Variants in METTL21C observed in about 807,000 individuals in gnomAD.
METTL21C encodes methyltransferase 21C, AARS1 lysine.
In METTL21C, 21 loss-of-function variants were observed where a neutral mutation model predicts 25.9. The ratio of observed to expected loss-of-function variants is 0.81; its 90% CI spans 0.58 to 1.17. The LOEUF is 1.17. METTL21C is among the 50% of genes most tolerant of loss of function. The pLI is 0.00. For missense variants in METTL21C, 312 were observed against 315.1 expected, an observed-to-expected ratio of 0.99 and a Z score of 0.07; for synonymous variants, 125 against 124.7, an observed-to-expected ratio of 1.00 and a Z score of -0.01.
the METTL21C span, among the ~76,000 whole-genome samples, chr13:102,702,740 G>A: frequency 6.6e-6 from 1 of 152,060 alleles, no homozygotes; most frequent in African/African-American, 2.4e-5. Context: ...ACAGGCATGT[G>A]CCAACATGCC....
chr13:102,690,436 A>AG (rs1228454766), intron 2 of METTL21C, among the ~76,000 whole-genome samples: 2 of 149,898 alleles, frequency 1.3e-5, no homozygotes, highest in East Asian at 2.0e-4. Flanking sequence ...AAAAAAAAAA[A>AG]AAAGAGAGAG....
Position 102,693,223 on chromosome 13 carries a change from T to C in METTL21C, c.130+1146A>G, listed in dbSNP as rs527908938. ...AGGTAATAGAATAATTGATGATGAG[T>C]TTTGAGTGTTTATCAACTTTGCTTT... On this transcript the variant is annotated intron_variant, in intron 1 of 3. Coordinates refer to ENST00000267273, the MANE Select transcript of METTL21C (RefSeq NM_001010977.3). 1.8e-4 allele frequency among the ~76,000 whole-genome samples: 28 copies of C among 152,178 alleles called. No homozygotes were observed. The South Asian group carries it at 3.7e-3, about 20-fold the overall frequency.
intron 2 of METTL21C, among the ~76,000 whole-genome samples, chr13:102,688,933 T>A (rs1200484915): frequency 1.3e-5 from 2 of 152,148 alleles, no homozygotes; most frequent in Non-Finnish European, 2.9e-5. Flanking sequence ...GCACCTGAAG[T>A]CGCACAGGAA....
intron 2 of METTL21C, among the ~76,000 whole-genome samples, chr13:102,689,909 T>C (rs1443166571): frequency 6.6e-6 from 1 of 152,240 alleles, no homozygotes; most frequent in Non-Finnish European, 1.5e-5. Context: ...CTGTAGACAT[T>C]ACGACCACCC....
At chr13:102,694,032 G>T (rs1164593295) in intron 1 of METTL21C, among the ~76,000 whole-genome samples, 1 of 152,084 alleles carries the variant, frequency 6.6e-6, no homozygotes, top group African/African-American at 2.4e-5. Flanking sequence ...TACCAAGAAT[G>T]TATTTTGGTG....
Position 102,686,244 on chromosome 13 carries a change from A to G in METTL21C, c.582T>C (p.Asp194=). 1.9e-6 allele frequency: 3 copies of G among 1,614,208 alleles called. No homozygotes were observed. The South Asian group carries it at 3.3e-5, about 18-fold the overall frequency. Reference sequence around the variant, plus strand: ...CCAGGAAGTAGTGATGGTAGACCACATCTGAGGCTAGGACGTAATCATAGT... The same window carrying G: ...CCAGGAAGTAGTGATGGTAGACCACGTCTGAGGCTAGGACGTAATCATAGT... ...AFYYDYVLAS[D]VVYHHYFLDK... is the part of the protein sequence containing the mutation. Residue 194 remains aspartate (D), a synonymous_variant, in exon 4 of 4, where the codon GAT becomes GAC. Coordinates refer to ENST00000267273, the MANE Select transcript of METTL21C (RefSeq NM_001010977.3).
At chr13:102,700,889 A>G in the METTL21C span, among the ~76,000 whole-genome samples, 1 of 151,930 alleles carries the variant, frequency 6.6e-6, no homozygotes, top group African/African-American at 2.4e-5. Flanking sequence ...GATGCCTCCA[A>G]CGCTGTCCGT....
upstream of METTL21C, among the ~76,000 whole-genome samples, chr13:102,698,125 A>T (rs1885975336): frequency 6.6e-6 from 1 of 152,196 alleles, no homozygotes; most frequent in Non-Finnish European, 1.5e-5. Context: ...AGAATCTGGC[A>T]CAGTGCCAGG....
chr13:102,687,401 A>T (rs953964483), intron 2 of METTL21C, among the ~76,000 whole-genome samples: 1 of 152,250 alleles, frequency 6.6e-6, no homozygotes, highest in African/African-American at 2.4e-5. Flanking sequence ...TTGGTCTCCA[A>T]CTGCTTTAGG....
upstream of METTL21C, among the ~76,000 whole-genome samples, chr13:102,696,303 G>T (rs892412033): frequency 6.6e-6 from 1 of 151,932 alleles, no homozygotes; most frequent in African/African-American, 2.4e-5. Flanking sequence ...TCATAAGTGG[G>T]AGTCGAACAA....
Position 102,686,028 on chromosome 13 carries a change from G to T in METTL21C, c.*3C>A, listed in dbSNP as rs1885657463. The T allele has an allele frequency of 2.6e-6, 4 of 1,562,254 alleles. No homozygotes were observed. Among genetic ancestry groups the T allele is most frequent in the Non-Finnish European group, 3.5e-6 (4 of 1,152,428 alleles). On this transcript the variant is annotated 3_prime_UTR_variant, in exon 4 of 4. Coordinates refer to ENST00000267273, the MANE Select transcript of METTL21C (RefSeq NM_001010977.3). The stretch of plus-strand genomic sequence containing the variant: ...TAACGTTGTGAAAGGCATTTTGTTG[G>T]ATTTAGTCCCATTTTAGTATCCCCT...
At chr13:102,700,177 T>TA in the METTL21C span, among the ~76,000 whole-genome samples, 1 of 152,182 alleles carries the variant, frequency 6.6e-6, no homozygotes, top group Non-Finnish European at 1.5e-5. Flanking sequence ...AGTGAAGTTA[T>TA]AGTCTTTTTA....
At chr13:102,691,645 G>A (rs1410765543) in intron 1 of METTL21C, among the ~76,000 whole-genome samples, 1 of 152,208 alleles carries the variant, frequency 6.6e-6, no homozygotes, top group Non-Finnish European at 1.5e-5. Flanking sequence ...ACCACGCCCC[G>A]CCAGACCTGC....
At chr13:102,689,763 G>A (rs769677222) in intron 2 of METTL21C, among the ~76,000 whole-genome samples, 51 of 152,324 alleles carry the variant, frequency 3.3e-4, no homozygotes, top group African/African-American at 9.4e-4. Context: ...ACTGGCCTGC[G>A]TTCCCATTTC....
chr13:102,686,492 G>A (rs1885678972), intron 3 of METTL21C, 67 bp from the exon 4 acceptor site: 3 of 1,493,936 alleles, frequency 2.0e-6, no homozygotes, highest in African/African-American at 1.4e-5. Flanking sequence ...TACCCAGGGA[G>A]AAACACAAGA....
upstream of METTL21C, among the ~76,000 whole-genome samples, chr13:102,699,803 C>CG (rs550407189): frequency 3.1e-3 from 317 of 102,066 alleles, no homozygotes; most frequent in South Asian, 0.016. Flanking sequence ...TGCTGCAATA[C>CG]CCCCCCGACC....
At chr13:102,702,649 G>A in the METTL21C span, among the ~76,000 whole-genome samples, 5 of 151,602 alleles carry the variant, frequency 3.3e-5, no homozygotes, top group South Asian at 2.1e-4. Context: ...GTGCAATGGC[G>A]CAATCTCCAC....
At chr13:102,692,812 C>T (rs1055133699) in intron 1 of METTL21C, among the ~76,000 whole-genome samples, 2 of 152,144 alleles carry the variant, frequency 1.3e-5, no homozygotes, top group African/African-American at 4.8e-5. Context: ...CGGTCACCTG[C>T]CCTGGTAGGA....
chr13:102,695,838 T>C (rs1032300211), upstream of METTL21C, among the ~76,000 whole-genome samples: 1 of 152,238 alleles, frequency 6.6e-6, no homozygotes, highest in Non-Finnish European at 1.5e-5. Context: ...CATCAGTCCC[T>C]ATGAGAAATA....
Sources: gnomAD v4.1 joint callset for allele counts (sites outside exome capture counted in the v4.1 genomes callset) on GRCh38, gnomAD v4.1.1 for gene constraint, MANE v1.5 for transcripts, NCBI Gene and HGNC (gene_info 2026-07-23, HGNC 2026-07-21) for gene names.